Variants in THSD7B observed in about 807,000 individuals in gnomAD.
THSD7B encodes the protein thrombospondin type 1 domain containing 7B.
A neutral mutation model predicts 213.6 loss-of-function variants in THSD7B; 138 were observed. That is an observed-to-expected ratio of 0.65 (90% CI 0.56 to 0.74). The LOEUF is 0.74. THSD7B is among the 30% of genes least tolerant of loss of function. THSD7B has a pLI of 0.00. For synonymous variants in THSD7B, 742 were observed against 687.0 expected (o/e 1.08, Z -1.25); for missense variants, 1,931 against 1,991.5 (o/e 0.97, Z 0.58).
intron 2 of THSD7B, among the ~76,000 whole-genome samples, chr2:136,931,110 A>C (rs1233729537): frequency 6.6e-6 from 1 of 152,174 alleles, no homozygotes; most frequent in African/African-American, 2.4e-5. Flanking sequence ...TAACAGCCTC[A>C]TGGGACTGAA....
intron 5 of THSD7B, among the ~76,000 whole-genome samples, chr2:137,123,721 A>G (rs922353726): frequency 3.7e-4 from 57 of 152,164 alleles, no homozygotes; most frequent in Non-Finnish European, 7.4e-5. Context: ...AGTATGTTGA[A>G]GCTGTAAACG....
At chr2:137,035,444 G>A (rs575967342) in intron 2 of THSD7B, among the ~76,000 whole-genome samples, 1 of 152,150 alleles carries the variant, frequency 6.6e-6, no homozygotes, top group East Asian at 1.9e-4. Context: ...GCCAGGGTGA[G>A]GTTCTAGATA....
At chr2:137,195,833 G>A (rs930253541) in intron 7 of THSD7B, among the ~76,000 whole-genome samples, 139 of 152,188 alleles carry the variant, frequency 9.1e-4, no homozygotes, top group Non-Finnish European at 1.9e-4. Context: ...AAATTTTGAC[G>A]AGGAACAGGA....
At chr2:137,670,149 C>T (rs542651075) in intron 27 of THSD7B, among the ~76,000 whole-genome samples, 2 of 151,974 alleles carry the variant, frequency 1.3e-5, no homozygotes, top group East Asian at 3.9e-4. Flanking sequence ...TTTTTTTGAT[C>T]CCCAATGTCT....
intron 16 of THSD7B, among the ~76,000 whole-genome samples, chr2:137,565,930 A>G (rs888664693): frequency 6.6e-6 from 1 of 152,204 alleles, no homozygotes; most frequent in Non-Finnish European, 1.5e-5. Flanking sequence ...TGGGGAACAC[A>G]TTCAACCCAC....
chr2:137,653,861 T>A (rs528644752), intron 21 of THSD7B, among the ~76,000 whole-genome samples: 50 of 152,218 alleles, frequency 3.3e-4, no homozygotes, highest in Non-Finnish European at 2.9e-5. Context: ...CTAGAAATTG[T>A]TATTTTGAAT....
At chr2:136,831,272 CA>C (rs1682751211) in intron 1 of THSD7B, among the ~76,000 whole-genome samples, 1 of 151,306 alleles carries the variant, frequency 6.6e-6, no homozygotes, top group African/African-American at 2.4e-5. Context: ...TTAAAAATAA[CA>C]TACATATTTA....
intron 22 of THSD7B, 93 bp from the exon 23 acceptor site, chr2:137,656,703 C>A: frequency 8.0e-7 from 1 of 1,254,836 alleles, no homozygotes; most frequent in Non-Finnish European, 1.1e-6. Flanking sequence ...GCATGTATCA[C>A]TGCAAATCTC....
chr2:137,561,729 A>G (rs74897182), intron 15 of THSD7B, among the ~76,000 whole-genome samples: 8,110 of 152,158 alleles, frequency 0.053, 280 homozygotes, highest in Middle Eastern at 0.082. Context: ...CTGTTATGGG[A>G]AAGACTTCTT....
At position 136,882,170 on chromosome 2, in the gene THSD7B, A is replaced by G; in HGVS notation, c.-9A>G. ...AATAGGCAAGTCAAGAGGCTGAAAA[A>G]TCTGAAGCATGTTTCCAAAGAGCAA... On this transcript the variant is annotated 5_prime_UTR_variant, in exon 2 of 28. Coordinates refer to ENST00000409968, the MANE Select transcript of THSD7B (RefSeq NM_001316349.2). 6.7e-7 allele frequency: 1 copy of G among 1,498,436 alleles called. No homozygotes were observed. The highest frequency in any genetic ancestry group is 8.9e-7 in the Non-Finnish European group (1 of 1,124,586). The allele number at this position is 1,498,436 out of a possible 1,614,324, so 92.8% of individuals were successfully genotyped here.
At chr2:137,032,971 T>G (rs145511472) in intron 2 of THSD7B, among the ~76,000 whole-genome samples, 1 of 152,322 alleles carries the variant, frequency 6.6e-6, no homozygotes, top group Non-Finnish European at 1.5e-5. Flanking sequence ...AATGGAAATA[T>G]CTCTAAAACA....
At chr2:136,902,517 G>C (rs1323002934) in intron 2 of THSD7B, among the ~76,000 whole-genome samples, 1 of 152,182 alleles carries the variant, frequency 6.6e-6, no homozygotes, top group Non-Finnish European at 1.5e-5. Flanking sequence ...TGCGCCCTCT[G>C]AGTCTGTCCT....
At chr2:136,962,658 G>C (rs1235319554) in intron 2 of THSD7B, among the ~76,000 whole-genome samples, 4 of 152,058 alleles carry the variant, frequency 2.6e-5, no homozygotes, top group Non-Finnish European at 4.4e-5. Flanking sequence ...TCAAGAGTCA[G>C]CCTGGCCTTG....
intron 20 of THSD7B, among the ~76,000 whole-genome samples, chr2:137,630,797 A>C (rs1682726624): frequency 6.6e-6 from 1 of 152,220 alleles, no homozygotes; most frequent in South Asian, 2.1e-4. Context: ...CAGAGACCAC[A>C]GGAAGAGGTA....
chr2:136,798,068 G>A (rs1423420123), intron 1 of THSD7B, among the ~76,000 whole-genome samples: 1 of 151,692 alleles, frequency 6.6e-6, no homozygotes, highest in Non-Finnish European at 1.5e-5. Flanking sequence ...TTTCCTACTT[G>A]GATGAGCATT....
intron 2 of THSD7B, among the ~76,000 whole-genome samples, chr2:136,993,777 A>G (rs1685830122): frequency 6.6e-6 from 1 of 152,236 alleles, no homozygotes; most frequent in South Asian, 2.1e-4. Context: ...CCTCTGAGAC[A>G]GGGAAATGTA....
At chr2:137,432,110 C>T (rs1687197144) in intron 14 of THSD7B, among the ~76,000 whole-genome samples, 1 of 152,082 alleles carries the variant, frequency 6.6e-6, no homozygotes, top group Non-Finnish European at 1.5e-5. Context: ...AACTTGTCAG[C>T]GGCCAGGCGC....
intron 2 of THSD7B, among the ~76,000 whole-genome samples, chr2:137,049,903 T>A (rs1469611856): frequency 3.3e-5 from 5 of 152,224 alleles, no homozygotes; most frequent in African/African-American, 1.2e-4. Context: ...CTGCAACATT[T>A]ATGGAGCCCT....
chr2:136,918,883 C>T (rs1197056784), intron 2 of THSD7B, among the ~76,000 whole-genome samples: 1 of 152,176 alleles, frequency 6.6e-6, no homozygotes, highest in Non-Finnish European at 1.5e-5. Context: ...GTACCATTCT[C>T]CTGACCTGGG....
Sources: gnomAD v4.1 joint callset for allele counts (sites outside exome capture counted in the v4.1 genomes callset) on GRCh38, gnomAD v4.1.1 for gene constraint, MANE v1.5 for transcripts, NCBI Gene and HGNC (gene_info 2026-07-23, HGNC 2026-07-21) for gene names.